The following TMEM164 variants were observed in gnomAD, a reference collection of about 807,000 sequenced individuals.
TMEM164 encodes the protein transmembrane protein 164, also known as RP13-360B22.2.
In TMEM164, 4 loss-of-function variants were observed where a neutral mutation model predicts 18.8. That is an observed-to-expected ratio of 0.21 (90% CI 0.10 to 0.49). TMEM164 has a LOEUF of 0.49. Among genes scored for constraint, TMEM164 ranks in the 20% least tolerant of loss-of-function variants. The probability of loss-of-function intolerance (pLI) is 0.98; values close to 1 mark genes in which losing one functional copy is unlikely to be tolerated. For synonymous variants in TMEM164, 86 were observed against 101.7 expected (o/e 0.85, Z 0.93); for missense variants, 108 against 239.9 (o/e 0.45, Z 3.63).
intron 3 of TMEM164, among the ~76,000 whole-genome samples, chrX:110,084,366 A>ACTATATATATATACTTATATATATAT (rs1185953773): frequency 6.6e-5 from 4 of 60,309 alleles, no homozygotes; most frequent in African/African-American, 3.1e-4. Context: ...TATATAGTAT[A>ACTATATATATATACTTATATATATAT]GTATATATAT....
At chrX:110,163,744 A>T (rs967727599) in intron 5 of TMEM164, among the ~76,000 whole-genome samples, 1 of 112,072 alleles carries the variant, frequency 8.9e-6, no homozygotes, top group African/African-American at 3.2e-5. Context: ...CGAAACAGTG[A>T]CTGGAGTGAT....
chrX:110,111,823 TG>T (rs963867898), intron 4 of TMEM164, among the ~76,000 whole-genome samples: 2 of 111,948 alleles, frequency 1.8e-5, no homozygotes, highest in African/African-American at 6.5e-5. Flanking sequence ...GTTAGAAAGC[TG>T]GTGGTGAAGT....
chrX:110,087,585 T>A (rs979745667), intron 3 of TMEM164, among the ~76,000 whole-genome samples: 1 of 111,387 alleles, frequency 9.0e-6, no homozygotes, highest in African/African-American at 3.3e-5. Flanking sequence ...GTTATCCATG[T>A]GTATGTATCA....
chrX:110,037,276 G>A (rs1199840531), intron 2 of TMEM164, among the ~76,000 whole-genome samples: 1 of 111,413 alleles, frequency 9.0e-6, no homozygotes, highest in African/African-American at 3.3e-5. Flanking sequence ...GACATGATAC[G>A]ATTGGTGATA....
chrX:110,041,358 C>A (rs1054457007), intron 2 of TMEM164, among the ~76,000 whole-genome samples: 1 of 111,869 alleles, frequency 8.9e-6, no homozygotes, highest in Admixed American at 9.5e-5. Flanking sequence ...GACCTGTACA[C>A]CCAGAGACAT....
chrX:110,026,134 T>G (rs914902565), intron 2 of TMEM164, among the ~76,000 whole-genome samples: 1 of 112,403 alleles, frequency 8.9e-6, no homozygotes, highest in Non-Finnish European at 1.9e-5. Flanking sequence ...ATAGAGCCAG[T>G]AACAACAACC....
At chrX:110,052,745 G>GTTTTTTTTTTTTTTTTTTTTTTTTTT in intron 2 of TMEM164, among the ~76,000 whole-genome samples, 1 of 68,817 alleles carries the variant, frequency 1.5e-5, no homozygotes, top group Non-Finnish European at 2.7e-5. Flanking sequence ...ACATGCATCT[G>GTTTTTTTTTTTTTTTTTTTTTTTTTT]TTTTTTTTTT....
intron 4 of TMEM164, among the ~76,000 whole-genome samples, chrX:110,118,502 AT>A (rs985560950): frequency 9.0e-6 from 1 of 111,337 alleles, no homozygotes; most frequent in African/African-American, 3.3e-5. Context: ...CAGACTTAGA[AT>A]TCCCGTTTGT....
chrX:110,144,308 A>G (rs2066819355), intron 4 of TMEM164, among the ~76,000 whole-genome samples: 1 of 112,174 alleles, frequency 8.9e-6, no homozygotes, highest in African/African-American at 3.2e-5. Context: ...AAACTTGTAA[A>G]TAGTCTACCG....
intron 2 of TMEM164, among the ~76,000 whole-genome samples, chrX:110,025,622 T>G (rs1350515991): frequency 8.9e-6 from 1 of 112,411 alleles, no homozygotes; most frequent in Non-Finnish European, 1.9e-5. Context: ...TTGTTTGTTT[T>G]TGTTTTTAAT....
chrX:110,115,179 G>T (rs2066343124), intron 4 of TMEM164, among the ~76,000 whole-genome samples: 1 of 112,030 alleles, frequency 8.9e-6, no homozygotes, highest in Admixed American at 9.5e-5. Context: ...AATGCAGATA[G>T]GCTTGAAAAT....
At chrX:110,011,096 A>G (rs1024298559) in intron 2 of TMEM164, among the ~76,000 whole-genome samples, 1 of 111,655 alleles carries the variant, frequency 9.0e-6, no homozygotes, top group Non-Finnish European at 1.9e-5. Context: ...TCGAATGCCT[A>G]TTGTGTGCCA....
At chrX:110,169,338 C>T (rs1303131771) in intron 5 of TMEM164, among the ~76,000 whole-genome samples, 1 of 111,655 alleles carries the variant, frequency 9.0e-6, no homozygotes, top group Admixed American at 9.5e-5. Flanking sequence ...CCCTTACCAA[C>T]CCCCATCTCC....
intron 4 of TMEM164, among the ~76,000 whole-genome samples, chrX:110,142,361 C>T (rs1170338835): frequency 8.9e-6 from 1 of 112,149 alleles, no homozygotes; most frequent in Non-Finnish European, 1.9e-5. Context: ...CGGGGCATCT[C>T]CTGTCAGTCG....
intron 3 of TMEM164, among the ~76,000 whole-genome samples, chrX:110,094,023 C>A (rs1244249304): frequency 9.0e-6 from 1 of 111,314 alleles, no homozygotes; most frequent in East Asian, 2.8e-4. Flanking sequence ...ATCCTGAGTT[C>A]TAGTTTGATT....
chrX:110,111,130 C>T (rs746863444), intron 4 of TMEM164, among the ~76,000 whole-genome samples: 21 of 112,522 alleles, frequency 1.9e-4, no homozygotes, highest in South Asian at 3.7e-4. Flanking sequence ...AGGCCGCTGA[C>T]ACAGGCACTG....
At chrX:110,015,550 A>AGTGTGTGTGTGTGT (rs200228472) in intron 2 of TMEM164, among the ~76,000 whole-genome samples, 1 of 99,628 alleles carries the variant, frequency 1.0e-5, no homozygotes, top group Admixed American at 1.1e-4. Flanking sequence ...CAGGAACTTG[A>AGTGTGTGTGTGTGT]GTGTGTGTGT....
intron 4 of TMEM164, among the ~76,000 whole-genome samples, chrX:110,130,331 C>A (rs1341713860): frequency 9.0e-6 from 1 of 111,690 alleles, no homozygotes; most frequent in East Asian, 2.8e-4. Flanking sequence ...AGTCAGACTG[C>A]CCATTTTCAT....
At chrX:110,126,365 C>G (rs1245055626) in intron 4 of TMEM164, among the ~76,000 whole-genome samples, 1 of 112,522 alleles carries the variant, frequency 8.9e-6, no homozygotes, top group African/African-American at 3.2e-5. Flanking sequence ...GGACTCACAG[C>G]ATCTCCTGCT....
Sources: allele counts gnomAD v4.1 joint callset (sites outside exome capture counted in the v4.1 genomes callset), GRCh38; gene constraint gnomAD v4.1.1; transcripts MANE v1.5; gene names NCBI Gene and HGNC (gene_info 2026-07-23, HGNC 2026-07-21).